The following PRIM2 variants were observed in gnomAD, a reference collection of about 807,000 sequenced individuals.
PRIM2 encodes the protein DNA primase large subunit.
In PRIM2, 39 loss-of-function variants were observed where a neutral mutation model predicts 67.3. The ratio of observed to expected loss-of-function variants is 0.58; its 90% CI spans 0.45 to 0.76. The LOEUF (loss-of-function observed/expected upper bound fraction) is 0.76, where lower values mean the gene tolerates loss of function less well. PRIM2 is among the 30% of genes least tolerant of loss of function. The probability of loss-of-function intolerance (pLI) is 0.00; values close to 1 mark genes in which losing one functional copy is unlikely to be tolerated. For missense variants in PRIM2, 398 were observed against 598.7 expected (o/e 0.66, Z 3.50); for synonymous variants, 143 against 198.7 (o/e 0.72, Z 2.36).
intron 10 of PRIM2, among the ~76,000 whole-genome samples, chr6:57,540,500 T>C (rs2127471248): frequency 6.6e-6 from 1 of 152,238 alleles, no homozygotes; most frequent in South Asian, 2.1e-4. Context: ...TTTTTTTCAA[T>C]AAGTATATTG....
At chr6:57,311,287 C>T (rs529952579), upstream of PRIM2, among the ~76,000 whole-genome samples, 397 of 137,572 alleles carry the variant, frequency 2.9e-3, 6 homozygotes, top group African/African-American at 0.01. Flanking sequence ...ACGGGGCGGC[C>T]GGGCAGAGGC....
chr6:57,452,667 G>C (rs1398698043), intron 7 of PRIM2, among the ~76,000 whole-genome samples: 1 of 152,126 alleles, frequency 6.6e-6, no homozygotes, highest in Non-Finnish European at 1.5e-5. Flanking sequence ...TGAGTTCATC[G>C]TAGATTCTGG....
the PRIM2 span, among the ~76,000 whole-genome samples, chr6:57,232,581 G>C: frequency 6.6e-6 from 1 of 152,060 alleles, no homozygotes; most frequent in Non-Finnish European, 1.5e-5. Flanking sequence ...ATTTTACCAA[G>C]GGATGGTTAG....
intron 12 of PRIM2, among the ~76,000 whole-genome samples, chr6:57,618,973 A>C (rs1444199372): frequency 1.3e-5 from 2 of 152,246 alleles, no homozygotes; most frequent in African/African-American, 4.8e-5. Flanking sequence ...AACCAGCACA[A>C]AAATGGAGCA....
the PRIM2 span, among the ~76,000 whole-genome samples, chr6:57,283,485 T>C: frequency 1.3e-4 from 20 of 152,214 alleles, no homozygotes; most frequent in Non-Finnish European, 1.5e-4. Flanking sequence ...CTTCTCCATA[T>C]AGTTATACCA....
chr6:57,456,182 T>A (rs1475297847), intron 7 of PRIM2, among the ~76,000 whole-genome samples: 117 of 152,312 alleles, frequency 7.7e-4, no homozygotes, highest in African/African-American at 2.8e-3. Flanking sequence ...CTTCCCTTTG[T>A]GGGTAACCCG....
intron 5 of PRIM2, among the ~76,000 whole-genome samples, chr6:57,342,143 AC>A: frequency 6.6e-6 from 1 of 152,272 alleles, no homozygotes; most frequent in Non-Finnish European, 1.5e-5. Context: ...GTGCATTGAT[AC>A]TTTTTTAGTC....
chr6:57,427,561 A>T (rs1189937584), intron 7 of PRIM2, among the ~76,000 whole-genome samples: 33 of 152,208 alleles, frequency 2.2e-4, no homozygotes, highest in African/African-American at 7.2e-4. Context: ...CAAGCAATCC[A>T]CCTACCTCGG....
At chr6:57,621,644 A>T (rs1200106426) in intron 12 of PRIM2, among the ~76,000 whole-genome samples, 5 of 152,142 alleles carry the variant, frequency 3.3e-5, no homozygotes, top group African/African-American at 1.2e-4. Context: ...ATCTTTATAC[A>T]TTATGTGCCC....
the PRIM2 span, among the ~76,000 whole-genome samples, chr6:57,297,868 A>G: frequency 2.0e-5 from 3 of 152,204 alleles, no homozygotes; most frequent in African/African-American, 7.2e-5. Context: ...ATGAAAGACA[A>G]AGCAAGGCTC....
chr6:57,352,440 C>T (rs993520527), intron 5 of PRIM2, among the ~76,000 whole-genome samples: 1 of 152,058 alleles, frequency 6.6e-6, no homozygotes, highest in Admixed American at 6.6e-5. Context: ...GGGGTTTCAC[C>T]ATGTTGGCCA....
intron 7 of PRIM2, among the ~76,000 whole-genome samples, chr6:57,436,957 T>C (rs957536929): frequency 3.3e-5 from 5 of 152,188 alleles, no homozygotes; most frequent in African/African-American, 1.2e-4. Flanking sequence ...ATTCTTGCAT[T>C]GCTATAAGGA....
chr6:57,337,480 T>C (rs1261269653), intron 5 of PRIM2, among the ~76,000 whole-genome samples: 4 of 151,358 alleles, frequency 2.6e-5, no homozygotes, highest in East Asian at 1.9e-4. Context: ...CCTCAGCAAA[T>C]GTAAAAGAAC....
At chr6:57,617,264 T>C (rs1242355781) in intron 12 of PRIM2, among the ~76,000 whole-genome samples, 4 of 152,234 alleles carry the variant, frequency 2.6e-5, no homozygotes, top group Non-Finnish European at 4.4e-5. Flanking sequence ...CTCTGTGCAT[T>C]CTTTGTCTAG....
intron 7 of PRIM2, among the ~76,000 whole-genome samples, chr6:57,464,527 G>A (rs142207219): frequency 2.0e-5 from 3 of 151,986 alleles, no homozygotes; most frequent in Non-Finnish European, 2.9e-5. Context: ...TGCCCACCTC[G>A]ACCCCCCAGT....
chr6:57,485,753 C>T (rs1456915678), intron 7 of PRIM2, among the ~76,000 whole-genome samples: 3 of 152,148 alleles, frequency 2.0e-5, no homozygotes, highest in Non-Finnish European at 4.4e-5. Flanking sequence ...ATGTGTAGGA[C>T]ATTTTCCTTA....
chr6:57,470,096 A>T (rs2127401221), intron 7 of PRIM2, among the ~76,000 whole-genome samples: 1 of 152,324 alleles, frequency 6.6e-6, no homozygotes, highest in Non-Finnish European at 1.5e-5. Context: ...ATCGTTGGAC[A>T]AATGGTGTTG....
chr6:57,287,330 T>C, the PRIM2 span, among the ~76,000 whole-genome samples: 2 of 152,168 alleles, frequency 1.3e-5, no homozygotes, highest in African/African-American at 2.4e-5. Context: ...GTAGCACTAT[T>C]TACAATAAGC....
chr6:57,320,585 T>C (rs777065479), intron 3 of PRIM2, 25 bp downstream of exon 3: 1 of 1,455,474 alleles, frequency 6.9e-7, no homozygotes, highest in Non-Finnish European at 9.4e-7. Context: ...AAAAAAAAGT[T>C]CCTTCAGTTT....
Sources: allele counts gnomAD v4.1 joint callset (sites outside exome capture counted in the v4.1 genomes callset), GRCh38; gene constraint gnomAD v4.1.1; transcripts MANE v1.5; gene names NCBI Gene and HGNC (gene_info 2026-07-23, HGNC 2026-07-21).